The following SOCS6 variants were observed in gnomAD, a reference collection of about 807,000 sequenced individuals.
The protein encoded by SOCS6 is suppressor of cytokine signaling 6.
SOCS6 carries 5 observed loss-of-function variants against 27.7 expected under a neutral mutation model. The observed-to-expected ratio is 0.18, with a 90% confidence interval of 0.09 to 0.38. The LOEUF (loss-of-function observed/expected upper bound fraction) is 0.38. Ranked by LOEUF, SOCS6 falls within the 10% of genes least tolerant of loss-of-function variation. SOCS6 has a pLI of 1.00. For synonymous variants in SOCS6, 271 were observed against 260.0 expected (o/e 1.04, Z -0.41); for missense variants, 595 against 688.1 (o/e 0.86, Z 1.51).
At chr18:70,299,215 C>T (rs1008160849) in intron 1 of SOCS6, among the ~76,000 whole-genome samples, 9 of 152,182 alleles carry the variant, frequency 5.9e-5, no homozygotes, top group African/African-American at 1.7e-4. Flanking sequence ...GGCTGAGTCC[C>T]ATGAGACTGC....
chr18:70,325,364 T>C lies in SOCS6; in HGVS notation c.696T>C (p.Tyr232=). 7 of 1,614,152 alleles carry C rather than the reference T, an allele frequency of 4.3e-6. No homozygotes were observed. Among genetic ancestry groups the C allele is most frequent in the Non-Finnish European group, 5.9e-6 (7 of 1,180,018 alleles). ...QYTVPLDEGM[Y]PLEGSRSYCL... is the part of the protein sequence containing the mutation. ...CTGTGCCTTTAGATGAGGGGATGTA[T>C]CCTTTGGAAGGATCACGGAGCTATT... The change falls in exon 2 of 2, where the codon TAT becomes TAC. Residue 232 remains tyrosine, a synonymous_variant. Transcript: ENST00000397942. This position sits in a 1 kb window ranked among gnomAD's most constrained non-coding sequence, Gnocchi z 6.3.
At chr18:70,314,865 G>GTA (rs59769890) in intron 1 of SOCS6, among the ~76,000 whole-genome samples, 11,597 of 150,084 alleles carry the variant, frequency 0.077, 438 homozygotes, top group Middle Eastern at 0.11. Context: ...GATTTTGTGT[G>GTA]TATATATATA....
intron 1 of SOCS6, among the ~76,000 whole-genome samples, chr18:70,299,505 T>C (rs1325875027): frequency 6.6e-6 from 1 of 152,158 alleles, no homozygotes; most frequent in Non-Finnish European, 1.5e-5. Context: ...AGAGTTTCTG[T>C]AGAACTCAAT....
chr18:70,300,038 T>C (rs947558930), intron 1 of SOCS6, among the ~76,000 whole-genome samples: 3 of 152,168 alleles, frequency 2.0e-5, no homozygotes, highest in African/African-American at 7.2e-5. Flanking sequence ...CAGTGATGAA[T>C]TGGCATATAT....
intron 1 of SOCS6, among the ~76,000 whole-genome samples, chr18:70,305,855 A>AT (rs2062367085): frequency 2.0e-5 from 3 of 151,796 alleles, no homozygotes; most frequent in African/African-American, 7.3e-5. Flanking sequence ...TAGTCGTTTT[A>AT]TTGTTGCTAG....
chr18:70,295,642 C>T (rs143480544), intron 1 of SOCS6, among the ~76,000 whole-genome samples: 8 of 152,228 alleles, frequency 5.3e-5, no homozygotes, highest in African/African-American at 1.9e-4. Context: ...TGCCAAATAT[C>T]ACAGACTGGC....
intron 1 of SOCS6, among the ~76,000 whole-genome samples, chr18:70,315,776 A>G (rs1410634336): frequency 6.6e-6 from 1 of 152,072 alleles, no homozygotes; most frequent in Non-Finnish European, 1.5e-5. Flanking sequence ...CTTACCAGGT[A>G]GTTTTGTAAG....
intron 1 of SOCS6, among the ~76,000 whole-genome samples, chr18:70,317,540 AC>A (rs78256164): frequency 0.98 from 145,306 of 148,390 alleles, 71,197 homozygotes; most frequent in East Asian, 1. Flanking sequence ...ATATATACAC[AC>A]TTCATATATA....
chr18:70,303,695 G>A (rs781004112), intron 1 of SOCS6, among the ~76,000 whole-genome samples: 32 of 152,144 alleles, frequency 2.1e-4, no homozygotes, highest in Non-Finnish European at 3.4e-4. Context: ...GGAGGCTGAG[G>A]CAGGAGAATC....
chr18:70,322,909 G>C (rs1284297874), intron 1 of SOCS6, among the ~76,000 whole-genome samples: 4 of 152,158 alleles, frequency 2.6e-5, no homozygotes, highest in Non-Finnish European at 5.9e-5. Flanking sequence ...TCTCCTGTCA[G>C]TTCCCACCTT....
In SOCS6 at chr18:70,300,683, G is replaced by A. The variant is rs75453298; in HGVS notation, c.-127+11593G>A. 3.0e-4 allele frequency among the ~76,000 whole-genome samples: 46 copies of A among 152,188 alleles called. No homozygotes were observed. In the East Asian group the frequency reaches 8.7e-3, roughly 29 times the overall value. On this transcript the variant is annotated intron_variant, in intron 1 of 1. Transcript: ENST00000397942. ...TTAGAGATTATCATGTATTTTATAT[G>A]GAGATTCACTTAGTATCCCCCTGCA... is the stretch of plus-strand genomic sequence containing the variant.
In SOCS6 at chr18:70,329,205, G is replaced by A. The variant is rs190245962; in HGVS notation, c.*2929G>A. 2.0e-3 allele frequency: 331 copies of A among 167,076 alleles called. 3 individuals carry two copies. The highest frequency in any genetic ancestry group is 3.8e-3 in the Non-Finnish European group (260 of 68,086). The allele number at this position is 167,076 out of a possible 1,614,324, so 10.3% of individuals were successfully genotyped here. On this transcript the variant is annotated 3_prime_UTR_variant, in exon 2 of 2. Transcript: ENST00000397942. ...GTCTAAGGAAAACTCTTTCTACTTG[G>A]TGCAATAATCTGAAAATTTAGAAGG...
chr18:70,316,097 G>T (rs1463706430), intron 1 of SOCS6, among the ~76,000 whole-genome samples: 3 of 147,352 alleles, frequency 2.0e-5, no homozygotes, highest in Non-Finnish European at 4.4e-5. Flanking sequence ...TGATCCGCCC[G>T]CCTCGACCTC....
Position 70,324,891 on chromosome 18 carries a change from G to A in SOCS6, c.223G>A (p.Gly75Ser), listed in dbSNP as rs371416171. The A allele has an allele frequency of 6.2e-7, 1 of 1,614,174 alleles. No homozygotes were observed. Among genetic ancestry groups the A allele is most frequent in the African/African-American group, 1.3e-5 (1 of 75,030 alleles). Residue 75 changes from glycine to serine, a missense_variant, in exon 2 of 2, where the codon GGT becomes AGT. This residue lies in a region of SOCS6 where 467 missense variants were observed against 481.1 expected (regional missense o/e 0.97). Transcript: ENST00000397942. Reference sequence around the variant, plus strand: ...CAGATCAAAAAGCGAGAGCCTGATGGGTACGCTAAAAAGGCGGCTTTCTGC... The same window carrying A: ...CAGATCAAAAAGCGAGAGCCTGATGAGTACGCTAAAAAGGCGGCTTTCTGC... ...KNRSKSESLMGTLKRRLSAKQ... is the reference protein window; with the variant it reads ...KNRSKSESLMSTLKRRLSAKQ...
chr18:70,292,587 A>G (rs12963676), intron 1 of SOCS6, among the ~76,000 whole-genome samples: 72,965 of 151,938 alleles, frequency 0.48, 18,909 homozygotes, highest in East Asian at 0.67. Flanking sequence ...GGCTCAAGTG[A>G]TCCTCCCACC....
chr18:70,293,526 G>A (rs1045890350), intron 1 of SOCS6, among the ~76,000 whole-genome samples: 1 of 152,162 alleles, frequency 6.6e-6, no homozygotes, highest in African/African-American at 2.4e-5. Flanking sequence ...GCTTAGTGAA[G>A]TGAAACCTCA....
chr18:70,310,703 A>C (rs1186759285), intron 1 of SOCS6, among the ~76,000 whole-genome samples: 1 of 152,066 alleles, frequency 6.6e-6, no homozygotes, highest in Non-Finnish European at 1.5e-5. Context: ...TGGATGTCCA[A>C]GGTCATTAGG....
At chr18:70,314,527 G>A (rs915332965) in intron 1 of SOCS6, among the ~76,000 whole-genome samples, 1 of 152,094 alleles carries the variant, frequency 6.6e-6, no homozygotes, top group Non-Finnish European at 1.5e-5. Flanking sequence ...ACAGTAACAT[G>A]CTTTACAGGT....
intron 1 of SOCS6, among the ~76,000 whole-genome samples, chr18:70,303,039 T>C (rs987866032): frequency 6.6e-6 from 1 of 152,202 alleles, no homozygotes; most frequent in East Asian, 1.9e-4. Context: ...TTTATTCTTA[T>C]AAAAACACTG....
Sources: gnomAD v4.1 joint callset for allele counts (sites outside exome capture counted in the v4.1 genomes callset) on GRCh38, gnomAD v4.1.1 for gene constraint, gnomAD v4.1.1 regional missense constraint, Gnocchi (gnomAD v3.1) non-coding constraint, MANE v1.5 for transcripts, NCBI Gene and HGNC (gene_info 2026-07-23, HGNC 2026-07-21) for gene names.